Variants in C9orf85 observed in about 807,000 individuals in gnomAD.
The protein encoded by C9orf85 is chromosome 9 open reading frame 85, also known as uncharacterized protein C9orf85.
A neutral mutation model predicts 14.9 loss-of-function variants in C9orf85; 16 were observed. That is an observed-to-expected ratio of 1.08 (90% CI 0.73 to 1.63). The LOEUF (loss-of-function observed/expected upper bound fraction) is 1.63. C9orf85 is among the 40% of genes most tolerant of loss of function. The pLI is 0.00. For synonymous variants in C9orf85, 45 were observed against 56.8 expected (o/e 0.79, Z 0.93); for missense variants, 172 against 186.1 (o/e 0.92, Z 0.44).
chr9:71,923,226 T>C (rs1564083209), intron 1 of C9orf85, among the ~76,000 whole-genome samples: 1 of 152,206 alleles, frequency 6.6e-6, no homozygotes, highest in Non-Finnish European at 1.5e-5. Context: ...CTTCTACTTT[T>C]TACTGTACTT....
intron 1 of C9orf85, chr9:71,918,479 G>T: frequency 7.7e-7 from 1 of 1,301,646 alleles, no homozygotes; most frequent in South Asian, 1.2e-5. Flanking sequence ...TGTGGAGCAG[G>T]GGTCCCCAGC....
intron 1 of C9orf85, among the ~76,000 whole-genome samples, chr9:71,936,440 A>G (rs1393934203): frequency 7.5e-6 from 1 of 132,458 alleles, no homozygotes; most frequent in Non-Finnish European, 1.6e-5. Context: ...TGAAAGTATT[A>G]CCCTACTTGT....
intron 1 of C9orf85, among the ~76,000 whole-genome samples, chr9:71,922,206 T>C (rs550381080): frequency 6.6e-6 from 1 of 152,296 alleles, no homozygotes; most frequent in East Asian, 1.9e-4. Flanking sequence ...CCCAAAGTGC[T>C]GGGATTACAG....
At chr9:71,946,595 C>A (rs1033443600) in intron 1 of C9orf85, among the ~76,000 whole-genome samples, 1 of 152,094 alleles carries the variant, frequency 6.6e-6, no homozygotes. Flanking sequence ...GAGTTCAAAA[C>A]CACCCTGGGC....
At chr9:71,925,958 A>C (rs1028307422) in intron 1 of C9orf85, among the ~76,000 whole-genome samples, 2 of 152,220 alleles carry the variant, frequency 1.3e-5, no homozygotes, top group African/African-American at 4.8e-5. Flanking sequence ...ACAACTTTCT[A>C]AAGTGGGGAA....
intron 1 of C9orf85, among the ~76,000 whole-genome samples, chr9:71,931,660 A>G (rs186316005): frequency 4.6e-5 from 7 of 152,304 alleles, no homozygotes; most frequent in Non-Finnish European, 8.8e-5. Context: ...TTCTTCCTAT[A>G]TAAGATAGGA....
chr9:71,945,557 A>G (rs991134802), intron 1 of C9orf85, among the ~76,000 whole-genome samples: 2 of 152,252 alleles, frequency 1.3e-5, no homozygotes, highest in African/African-American at 4.8e-5. Context: ...ATTAAATAAA[A>G]TGAAATATAT....
chr9:71,950,795 T>C (rs2132316236), intron 2 of C9orf85, among the ~76,000 whole-genome samples: 1 of 152,328 alleles, frequency 6.6e-6, no homozygotes, highest in Non-Finnish European at 1.5e-5. Flanking sequence ...ATGATGTAGA[T>C]AAAGAAAAGT....
Position 71,972,868 on chromosome 9 carries a change from G to A in C9orf85, c.*26G>A, listed in dbSNP as rs768468012. The A allele has an allele frequency of 4.7e-5, 74 of 1,576,924 alleles. No homozygotes were observed. The highest frequency in any genetic ancestry group is 6.2e-5 in the Non-Finnish European group (72 of 1,159,380). ...TATCACTGTATTAAAAGTCTGCCGG[G>A]CACAGTGGCTCACGCCTGTAATCCC... On this transcript the variant is annotated 3_prime_UTR_variant, in exon 4 of 4. Coordinates refer to ENST00000334731, the MANE Select transcript of C9orf85 (RefSeq NM_182505.5).
downstream of C9orf85, chr9:71,984,770 G>C (rs1276690207): frequency 6.6e-6 from 1 of 152,274 alleles, no homozygotes; most frequent in Non-Finnish European, 1.5e-5. Context: ...GGGCAAGTGT[G>C]AGTGAGATTT....
rs879485978 is a variant in C9orf85 at position 71,948,822 on chromosome 9, C to G, written c.209+1710C>G. On this transcript the variant is annotated intron_variant, in intron 2 of 3. Coordinates refer to ENST00000334731, the MANE Select transcript of C9orf85 (RefSeq NM_182505.5). ...TACAGGCGTGAGCCACGCCCCCCCC[C>G]CCCCCTTTAAATAGTTTTACCAGCT... Among the ~76,000 whole-genome samples the G allele has an allele frequency of 7.1e-4, 106 of 149,414 alleles. 2 individuals carry two copies. Among genetic ancestry groups the G allele is most frequent in the South Asian group, 1.3e-3 (6 of 4,560 alleles).
At chr9:71,923,607 T>C (rs1827865493) in intron 1 of C9orf85, among the ~76,000 whole-genome samples, 1 of 152,136 alleles carries the variant, frequency 6.6e-6, no homozygotes, top group African/African-American at 2.4e-5. Context: ...GTTTCATCAG[T>C]GTAACTGTTC....
chr9:71,916,728 A>G (rs962706653), intron 1 of C9orf85, among the ~76,000 whole-genome samples: 1 of 152,142 alleles, frequency 6.6e-6, no homozygotes, highest in African/African-American at 2.4e-5. Context: ...ATTTTTTCAG[A>G]TTTTGGAATA....
At chr9:71,965,987 G>A (rs1218084563) in intron 2 of C9orf85, among the ~76,000 whole-genome samples, 1 of 152,166 alleles carries the variant, frequency 6.6e-6, no homozygotes, top group African/African-American at 2.4e-5. Flanking sequence ...AGGTAGACAA[G>A]ATTGAAAACC....
chr9:71,937,702 TCA>T (rs1434245767), intron 1 of C9orf85, among the ~76,000 whole-genome samples: 1 of 152,140 alleles, frequency 6.6e-6, no homozygotes, highest in African/African-American at 2.4e-5. Context: ...GGACTAAACT[TCA>T]GAGAATATTA....
At chr9:71,956,196 A>G (rs1033828869) in intron 2 of C9orf85, among the ~76,000 whole-genome samples, 1 of 151,964 alleles carries the variant, frequency 6.6e-6, no homozygotes, top group Non-Finnish European at 1.5e-5. Flanking sequence ...TTACATGCTA[A>G]TAAGCATTGG....
intron 1 of C9orf85, among the ~76,000 whole-genome samples, chr9:71,945,838 G>A (rs1203618517): frequency 6.6e-6 from 1 of 151,788 alleles, no homozygotes; most frequent in Non-Finnish European, 1.5e-5. Context: ...AATTTTAAAT[G>A]TCTTCTGCTC....
At chr9:71,928,714 T>C (rs1827992710) in intron 1 of C9orf85, among the ~76,000 whole-genome samples, 3 of 152,152 alleles carry the variant, frequency 2.0e-5, no homozygotes, top group African/African-American at 7.2e-5. Flanking sequence ...TACCACTTAT[T>C]TTCCTTCACA....
At chr9:71,973,727 C>T (rs1298915232), downstream of C9orf85, among the ~76,000 whole-genome samples, 6 of 151,954 alleles carry the variant, frequency 3.9e-5, no homozygotes, top group Admixed American at 2.0e-4. Context: ...CAGTGAGGCT[C>T]TCCCTCAGCA....
Sources: gnomAD v4.1 joint callset for allele counts (sites outside exome capture counted in the v4.1 genomes callset) on GRCh38, gnomAD v4.1.1 for gene constraint, MANE v1.5 for transcripts, NCBI Gene and HGNC (gene_info 2026-07-23, HGNC 2026-07-21) for gene names.